DSCAML1: variants seen among roughly 807,000 people sequenced by gnomAD.
DSCAML1 encodes cell adhesion molecule DSCAML1.
In DSCAML1, 38 loss-of-function variants were observed where a neutral mutation model predicts 200.5. The observed-to-expected ratio is 0.19, with a 90% CI of 0.15 to 0.25. DSCAML1 has a LOEUF of 0.25. Ranked by LOEUF, DSCAML1 falls within the 10% of genes least tolerant of loss-of-function variation. The pLI is 1.00. For missense variants in DSCAML1, 2,223 were observed against 2,858.8 expected, an observed-to-expected ratio of 0.78 and a Z score of 5.07; for synonymous variants, 1,215 against 1,165.0, an observed-to-expected ratio of 1.04 and a Z score of -0.87.
At chr11:117,645,339 A>C (rs901455342) in intron 3 of DSCAML1, among the ~76,000 whole-genome samples, 11 of 151,996 alleles carry the variant, frequency 7.2e-5, no homozygotes, top group Non-Finnish European at 1.3e-4. Context: ...ACTGAGGCTG[A>C]TTTTCTCTCC....
intron 21 of DSCAML1, among the ~76,000 whole-genome samples, chr11:117,441,092 G>A (rs1379899649): frequency 1.3e-5 from 2 of 152,120 alleles, no homozygotes; most frequent in Non-Finnish European, 2.9e-5. Context: ...GGGGAGATGA[G>A]GGGCTCAGAG....
At chr11:117,439,760 G>T (rs982032553) in intron 22 of DSCAML1, 59 bp downstream of exon 22, 3 of 1,504,686 alleles carry the variant, frequency 2.0e-6, no homozygotes, top group Admixed American at 3.4e-5. Flanking sequence ...TCTCCACACC[G>T]CTCTTCTACT....
At chr11:117,715,023 G>A (rs1397247916) in intron 3 of DSCAML1, among the ~76,000 whole-genome samples, 1 of 151,982 alleles carries the variant, frequency 6.6e-6, no homozygotes, top group African/African-American at 2.4e-5. Context: ...GGAAGAGGAA[G>A]TACAGTGCAG....
chr11:117,718,057 G>C (rs2053982341), intron 3 of DSCAML1, among the ~76,000 whole-genome samples: 1 of 152,222 alleles, frequency 6.6e-6, no homozygotes. Context: ...TTAAATGTTT[G>C]CCACATGCCA....
At chr11:117,798,299 G>T (rs2055619823), upstream of DSCAML1, among the ~76,000 whole-genome samples, 1 of 152,178 alleles carries the variant, frequency 6.6e-6, no homozygotes, top group Non-Finnish European at 1.5e-5. Flanking sequence ...GGGGTCCACT[G>T]GCTAGCTGCA....
At chr11:117,521,549 G>A in intron 5 of DSCAML1, 144 bp from the exon 6 acceptor site, 1 of 801,022 alleles carries the variant, frequency 1.2e-6, no homozygotes, top group Non-Finnish European at 1.9e-6. Flanking sequence ...TGTGGACTGG[G>A]ACTGGGGAAT....
intron 1 of DSCAML1, among the ~76,000 whole-genome samples, chr11:117,789,099 G>A (rs1304052339): frequency 6.6e-6 from 1 of 152,134 alleles, no homozygotes; most frequent in Non-Finnish European, 1.5e-5. Flanking sequence ...TCCTCCCTGT[G>A]TCCATCAGAA....
At chr11:117,797,497 G>A (rs1254565647), upstream of DSCAML1, among the ~76,000 whole-genome samples, 1 of 152,234 alleles carries the variant, frequency 6.6e-6, no homozygotes, top group Non-Finnish European at 1.5e-5. Context: ...TGTGCCAACA[G>A]CCTGCCATGC....
intron 1 of DSCAML1, among the ~76,000 whole-genome samples, chr11:117,812,046 T>C (rs2055765843): frequency 6.6e-6 from 1 of 152,182 alleles, no homozygotes; most frequent in Admixed American, 6.5e-5. Flanking sequence ...GCCGAGATAT[T>C]TTAACCAAAT....
Position 117,482,016 on chromosome 11 carries a change from G to T in DSCAML1, c.2506C>A (p.Arg836=), listed in dbSNP as rs771889195. Residue 836 remains arginine (R), a synonymous_variant, in exon 12 of 33, where the codon CGG becomes AGG. Transcript: ENST00000651296. ...TTGTCCTTGGTGGCGATGGCATACC[G>T]CATGACGCGGTCAGGGTCGATGACT... The part of the protein sequence containing the change: ...DTVIDPDRVM[R]YAIATKDNGD... The T allele has an allele frequency of 6.2e-7, 1 of 1,614,188 alleles. No individual in the cohort carries two copies. Among genetic ancestry groups the T allele is most frequent in the South Asian group, 1.1e-5 (1 of 91,086 alleles).
chr11:117,813,660 C>A (rs536155608), intron 1 of DSCAML1, among the ~76,000 whole-genome samples: 29 of 152,272 alleles, frequency 1.9e-4, no homozygotes, highest in African/African-American at 6.7e-4. Flanking sequence ...CATCACCAAT[C>A]ATTCTACATG....
intron 3 of DSCAML1, among the ~76,000 whole-genome samples, chr11:117,646,636 T>C (rs1157477952): frequency 6.6e-6 from 1 of 152,176 alleles, no homozygotes; most frequent in East Asian, 1.9e-4. Context: ...AACTGTGCAT[T>C]TCTTCCCAAT....
At chr11:117,782,157 A>G (rs568038631) in intron 1 of DSCAML1, among the ~76,000 whole-genome samples, 4 of 152,190 alleles carry the variant, frequency 2.6e-5, no homozygotes, top group Non-Finnish European at 5.9e-5. Flanking sequence ...CCACAACTTT[A>G]TAGGATGGGG....
At chr11:117,704,777 C>T (rs990069278) in intron 3 of DSCAML1, among the ~76,000 whole-genome samples, 1 of 152,176 alleles carries the variant, frequency 6.6e-6, no homozygotes, top group East Asian at 1.9e-4. Context: ...ATGCGAGTCT[C>T]GGTATATTTC....
At chr11:117,625,699 C>A (rs150063580) in intron 3 of DSCAML1, among the ~76,000 whole-genome samples, 55 of 152,340 alleles carry the variant, frequency 3.6e-4, no homozygotes, top group African/African-American at 1.3e-3. Flanking sequence ...CTGTATCAGA[C>A]TTTGCATTGC....
chr11:117,685,635 G>A (rs2053390174), intron 3 of DSCAML1, among the ~76,000 whole-genome samples: 1 of 152,230 alleles, frequency 6.6e-6, no homozygotes, highest in African/African-American at 2.4e-5. Context: ...TACCCCTGGA[G>A]CTGTTGTGAG....
At chr11:117,445,424 T>C (rs1350624351) in intron 20 of DSCAML1, among the ~76,000 whole-genome samples, 1 of 152,236 alleles carries the variant, frequency 6.6e-6, no homozygotes, top group African/African-American at 2.4e-5. Flanking sequence ...GTATCTGTCG[T>C]TGATATGTGC....
At position 117,436,747 on chromosome 11, in the gene DSCAML1, T is replaced by A. The variant is rs193093613; in HGVS notation, c.4720+375A>T. On this transcript the variant is annotated intron_variant, in intron 26 of 32. Transcript: ENST00000651296. ...GACTGCAGCATAGGCTGTCCCCTCC[T>A]GGCTAATATTCCATATCAGCAGAAA... 7.1e-3 allele frequency among the ~76,000 whole-genome samples: 1,077 copies of A among 152,272 alleles called. 16 individuals are homozygous for A. Among genetic ancestry groups the A allele is most frequent in the African/African-American group, 0.024 (1,012 of 41,538 alleles).
chr11:117,538,047 G>C (rs1024202570), intron 3 of DSCAML1, among the ~76,000 whole-genome samples: 1 of 152,216 alleles, frequency 6.6e-6, no homozygotes, highest in Non-Finnish European at 1.5e-5. Context: ...ATTTGGATTT[G>C]GTGAGTGTTT....
Sources: gnomAD v4.1 joint callset for allele counts (sites outside exome capture counted in the v4.1 genomes callset) on GRCh38, gnomAD v4.1.1 for gene constraint, MANE v1.5 for transcripts, NCBI Gene and HGNC (gene_info 2026-07-23, HGNC 2026-07-21) for gene names.